Variants in NSMCE2 observed in about 807,000 individuals in gnomAD.
The protein encoded by NSMCE2 is E3 SUMO-protein ligase NSE2.
A neutral mutation model predicts 23.8 loss-of-function variants in NSMCE2; 24 were observed. That is an observed-to-expected ratio of 1.01 (90% confidence interval 0.73 to 1.42). The LOEUF is 1.42. Ranked by LOEUF, NSMCE2 falls within the 40% of genes most tolerant of loss-of-function variation. NSMCE2 has a pLI of 0.00. For synonymous variants in NSMCE2, 92 were observed against 94.1 expected, an observed-to-expected ratio of 0.98 and a Z score of 0.13; for missense variants, 284 against 296.5, an observed-to-expected ratio of 0.96 and a Z score of 0.31.
intron 5 of NSMCE2, among the ~76,000 whole-genome samples, chr8:125,304,341 T>C (rs937818047): frequency 6.6e-6 from 1 of 152,166 alleles, no homozygotes. Flanking sequence ...GATGTGTACT[T>C]TACCTATGGG....
intron 3 of NSMCE2, among the ~76,000 whole-genome samples, chr8:125,127,374 G>A (rs1453125208): frequency 6.6e-6 from 1 of 152,112 alleles, no homozygotes; most frequent in Admixed American, 6.6e-5. Context: ...GGGGGAGATT[G>A]TCTTCTTAAT....
chr8:125,348,297 C>T (rs937642242), intron 5 of NSMCE2: 2 of 152,084 alleles, frequency 1.3e-5, no homozygotes, highest in African/African-American at 2.4e-5. Flanking sequence ...TTTCTGATTA[C>T]ATTATATTAA....
At chr8:125,095,208 T>A (rs767100885) in intron 1 of NSMCE2, among the ~76,000 whole-genome samples, 7 of 152,202 alleles carry the variant, frequency 4.6e-5, no homozygotes, top group Non-Finnish European at 1.0e-4. Context: ...CAGTGCAGAT[T>A]ATAGAACGTT....
chr8:125,120,079 A>G (rs1819195743), intron 3 of NSMCE2, among the ~76,000 whole-genome samples: 1 of 152,216 alleles, frequency 6.6e-6, no homozygotes, highest in African/African-American at 2.4e-5. Flanking sequence ...TATAATCAAT[A>G]TGAAAGTTAC....
chr8:125,131,281 G>A (rs1233089722), intron 3 of NSMCE2, among the ~76,000 whole-genome samples: 1 of 152,104 alleles, frequency 6.6e-6, no homozygotes, highest in Non-Finnish European at 1.5e-5. Context: ...GAAAATATAC[G>A]CACTGAAGAC....
chr8:125,362,625 G>A (rs1235425613), intron 7 of NSMCE2, among the ~76,000 whole-genome samples: 1 of 152,208 alleles, frequency 6.6e-6, no homozygotes, highest in African/African-American at 2.4e-5. Flanking sequence ...GAAAAACTGA[G>A]GCACAGAGAA....
intron 5 of NSMCE2, among the ~76,000 whole-genome samples, chr8:125,257,381 G>T (rs1373812069): frequency 6.6e-6 from 1 of 152,052 alleles, no homozygotes; most frequent in African/African-American, 2.4e-5. Flanking sequence ...CCAAGAAGGA[G>T]GAGTCATCTC....
At chr8:125,220,533 AC>A (rs1338403895) in intron 5 of NSMCE2, among the ~76,000 whole-genome samples, 6 of 152,154 alleles carry the variant, frequency 3.9e-5, no homozygotes, top group African/African-American at 1.4e-4. Flanking sequence ...GAGAATTTCA[AC>A]ATAGTTGCAT....
chr8:125,281,383 A>G (rs1179304963), intron 5 of NSMCE2, among the ~76,000 whole-genome samples: 1 of 152,236 alleles, frequency 6.6e-6, no homozygotes, highest in African/African-American at 2.4e-5. Context: ...CTAAATGACT[A>G]AAATTTCAAC....
At position 125,124,470 on chromosome 8, in the gene NSMCE2, TTCTC is replaced by T. The variant is rs376240525; in HGVS notation, c.157+22008_157+22011del. On this transcript the variant is annotated intron_variant, in intron 3 of 7. Coordinates refer to ENST00000287437, the MANE Select transcript of NSMCE2 (RefSeq NM_173685.4). ...TTTTTTAAAGTGGATTCCTCAGGAT[TTCTC>T]TCTCTCTCTCTCTCTCTCTCTCTCA... 4.6e-3 allele frequency among the ~76,000 whole-genome samples: 677 copies of T among 146,226 alleles called. 5 individuals carry two copies. The highest frequency in any genetic ancestry group is 0.016 in the African/African-American group (623 of 39,980).
intron 4 of NSMCE2, among the ~76,000 whole-genome samples, chr8:125,156,832 C>T (rs1220265912): frequency 1.3e-5 from 2 of 152,172 alleles, no homozygotes; most frequent in Non-Finnish European, 2.9e-5. Context: ...CCCTGTGCCT[C>T]CTTGCTGTTC....
intron 4 of NSMCE2, among the ~76,000 whole-genome samples, chr8:125,181,003 G>A (rs573941055): frequency 4.6e-5 from 7 of 152,314 alleles, no homozygotes; most frequent in African/African-American, 1.7e-4. Context: ...GTAGAAGTCC[G>A]TCTAAAGTGT....
chr8:125,274,265 TTTAAC>T lies in NSMCE2; in HGVS notation c.419-82950_419-82946del, dbSNP rs565669060. Among the ~76,000 whole-genome samples the T allele has an allele frequency of 2.0e-3, 306 of 152,322 alleles. 1 individual carries two copies. The highest frequency in any genetic ancestry group is 7.2e-3 in the African/African-American group (299 of 41,566). Reference sequence around the variant, plus strand: ...CAGAAAATGAAACAAAAAAAAACTTTTTAACTTATTTACTAAACATGAAGGGGTTC... The same window carrying T: ...CAGAAAATGAAACAAAAAAAAACTTTTTATTTACTAAACATGAAGGGGTTC... On this transcript the variant is annotated intron_variant, in intron 5 of 7. Transcript: ENST00000287437.
intron 4 of NSMCE2, among the ~76,000 whole-genome samples, chr8:125,169,282 A>G (rs545207801): frequency 1.3e-5 from 2 of 152,300 alleles, no homozygotes; most frequent in African/African-American, 2.4e-5. Context: ...AATAGCATCT[A>G]TGCTCATAAC....
At chr8:125,271,768 G>A (rs11779422) in intron 5 of NSMCE2, among the ~76,000 whole-genome samples, 15 of 152,106 alleles carry the variant, frequency 9.9e-5, no homozygotes, top group Admixed American at 9.2e-4. Context: ...TTTCACTCAT[G>A]CTTTTTAATG....
At chr8:125,307,148 C>A (rs760272791) in intron 5 of NSMCE2, among the ~76,000 whole-genome samples, 1 of 152,112 alleles carries the variant, frequency 6.6e-6, no homozygotes, top group Non-Finnish European at 1.5e-5. Context: ...TTGTGGGTAC[C>A]GGTCCCTGGT....
At chr8:125,146,206 G>A (rs1207079413) in intron 3 of NSMCE2, among the ~76,000 whole-genome samples, 1 of 152,026 alleles carries the variant, frequency 6.6e-6, no homozygotes. Flanking sequence ...TTTGTTCCCT[G>A]GATATTCATG....
intron 5 of NSMCE2, among the ~76,000 whole-genome samples, chr8:125,217,796 C>T (rs1478070574): frequency 6.6e-6 from 1 of 151,580 alleles, no homozygotes; most frequent in Non-Finnish European, 1.5e-5. Flanking sequence ...TTGACTTGCT[C>T]AAATTACCAT....
chr8:125,162,919 A>T (rs73704544), intron 4 of NSMCE2, among the ~76,000 whole-genome samples: 7,547 of 152,252 alleles, frequency 0.05, 225 homozygotes, highest in African/African-American at 0.076. Flanking sequence ...CCTGTCTACC[A>T]TCCTGCCCCC....
Sources: allele counts gnomAD v4.1 joint callset (sites outside exome capture counted in the v4.1 genomes callset), GRCh38; gene constraint gnomAD v4.1.1; transcripts MANE v1.5; gene names NCBI Gene and HGNC (gene_info 2026-07-23, HGNC 2026-07-21).